OR2Y1: variants seen among roughly 807,000 people sequenced by gnomAD.
OR2Y1 encodes the protein olfactory receptor family 2 subfamily Y member 1.
For synonymous variants in OR2Y1, 163 were observed against 154.2 expected (o/e 1.06, Z -0.42); for missense variants, 412 against 388.4 (o/e 1.06, Z -0.51).
At position 180,739,734 on chromosome 5, in the gene OR2Y1, A is replaced by G. The variant is rs754933607; in HGVS notation, c.325T>C (p.Ser109Pro). ...ACCACCAGGAGCACACACTCTGTGGAGCCCAGGGCTAGGTAGATGAAGAGC... is the reference window on the plus strand; with the variant it reads ...ACCACCAGGAGCACACACTCTGTGGGGCCCAGGGCTAGGTAGATGAAGAGC... ...AQLFIYLALGSTECVLLVVMA... is the reference protein window; with the variant it reads ...AQLFIYLALGPTECVLLVVMA... The change falls in exon 1 of 1, where the codon TCC (serine) becomes CCC (proline). Residue 109 changes from serine to proline, a missense_variant. By Grantham distance (74) the Ser-to-Pro change is moderately conservative (BLOSUM62 -1). Coordinates refer to ENST00000307832, the MANE Select transcript of OR2Y1 (RefSeq NM_001001657.1). 1 of 1,614,214 alleles carries G rather than the reference A, an allele frequency of 6.2e-7. No individual in the cohort carries two copies. The highest frequency in any genetic ancestry group is 8.5e-7 in the Non-Finnish European group (1 of 1,180,034).
rs1241645003 is a variant in OR2Y1 at position 180,739,625 on chromosome 5, G to A, written c.434C>T (p.Ala145Val). 1 of 1,614,276 alleles carries A rather than the reference G, an allele frequency of 6.2e-7. No individual in the cohort carries two copies. Among genetic ancestry groups the A allele is most frequent in the Middle Eastern group, 1.6e-4 (1 of 6,062 alleles). The change falls in exon 1 of 1, where the codon GCT becomes GTT. Residue 145 changes from alanine (A) to valine (V), a missense_variant. Coordinates refer to ENST00000307832, the MANE Select transcript of OR2Y1 (RefSeq NM_001001657.1). ...GAAACCCGCACCCCAGGAGGCGATA[G>A]CCAGGGTCTGGCAGAGATGGGGGTG... ...IMHPHLCQTL[A>V]IASWGAGFVN... is the part of the protein sequence containing the mutation.
At position 180,739,831 on chromosome 5, in the gene OR2Y1, G is replaced by C. The variant is rs933174092; in HGVS notation, c.228C>G (p.Ser76Arg). ...GGTTGATCAGGAGCTGGGGCACGGT[G>C]CTGGTGGTGAAGCAGAGGTCCAGGA... ...LSLLDLCFTT[S>R]TVPQLLINLC... The change falls in exon 1 of 1, where the codon AGC (serine) becomes AGG (arginine). Residue 76 changes from serine to arginine, a missense_variant. By Grantham distance (110) the Ser-to-Arg change is moderately radical. Coordinates refer to ENST00000307832, the MANE Select transcript of OR2Y1 (RefSeq NM_001001657.1). The C allele has an allele frequency of 1.2e-6, 2 of 1,614,248 alleles. No homozygotes were observed. Among genetic ancestry groups the C allele is most frequent in the Non-Finnish European group, 8.5e-7 (1 of 1,180,034 alleles).
chr5:180,739,478 G>C lies in OR2Y1; in HGVS notation c.581C>G (p.Thr194Arg). 1 of 1,614,232 alleles carries C rather than the reference G, an allele frequency of 6.2e-7. No individual in the cohort carries two copies. The highest frequency in any genetic ancestry group is 8.5e-7 in the Non-Finnish European group (1 of 1,180,032). ...LKLACADTEG[T>R]EAKMFVARVI... ...TCGGGCCACAAACATCTTGGCCTCT[G>C]TTCCTTCTGTGTCCGCACAAGCCAA... The change falls in exon 1 of 1, where the codon ACA (threonine) becomes AGA (arginine). Residue 194 changes from threonine to arginine, a missense_variant. By Grantham distance (71) the Thr-to-Arg change is moderately conservative. Transcript: ENST00000307832.
At position 180,739,774 on chromosome 5, in the gene OR2Y1, T is replaced by G; in HGVS notation, c.285A>C (p.Gly95=). 3 of 1,614,164 alleles carry G rather than the reference T, an allele frequency of 1.9e-6. No individual in the cohort carries two copies. The highest frequency in any genetic ancestry group is 2.5e-6 in the Non-Finnish European group (3 of 1,180,032). The change falls in exon 1 of 1, where the codon GGA becomes GGC. Residue 95 remains glycine, a synonymous_variant. Coordinates refer to ENST00000307832, the MANE Select transcript of OR2Y1 (RefSeq NM_001001657.1). Reference sequence around the variant, plus strand: ...AGATGAAGAGCTGAGCCACACACCCTCCACGGGTGATGGTGCGGTCCACCC... The same window carrying G: ...AGATGAAGAGCTGAGCCACACACCCGCCACGGGTGATGGTGCGGTCCACCC... ...LCGVDRTITR[G]GCVAQLFIYL... is the part of the protein sequence containing the mutation.
chr5:180,739,518 G>A lies in OR2Y1; in HGVS notation c.541C>T (p.Pro181Ser). ...HRLNHFFCEMPVFLKLACADT... is the reference protein window; with the variant it reads ...HRLNHFFCEMSVFLKLACADT... ...GCACAAGCCAACTTCAGAAATACAGGCATCTCACAGAAGAAGTGATTCAGT... is the reference window on the plus strand; with the variant it reads ...GCACAAGCCAACTTCAGAAATACAGACATCTCACAGAAGAAGTGATTCAGT... Residue 181 changes from proline (P) to serine (S), a missense_variant, in exon 1 of 1, where the codon CCT (proline) becomes TCT (serine). Pro to Ser is a moderately conservative substitution (Grantham distance 74). Coordinates refer to ENST00000307832, the MANE Select transcript of OR2Y1 (RefSeq NM_001001657.1). The A allele has an allele frequency of 6.2e-7, 1 of 1,614,238 alleles. No homozygotes were observed. The highest frequency in any genetic ancestry group is 8.5e-7 in the Non-Finnish European group (1 of 1,180,036).
Position 180,739,789 on chromosome 5 carries a change from G to A in OR2Y1, c.270C>T (p.Arg90=), listed in dbSNP as rs1561791019. ...QLLINLCGVD[R]TITRGGCVAQ... is the part of the protein sequence containing the mutation. ...CCACACACCCTCCACGGGTGATGGT[G>A]CGGTCCACCCCGCAAAGGTTGATCA... Residue 90 remains arginine, a synonymous_variant, in exon 1 of 1, where the codon CGC becomes CGT. Transcript: ENST00000307832. 3 of 1,614,226 alleles carry A rather than the reference G, an allele frequency of 1.9e-6. No individual in the cohort carries two copies. The highest frequency in any genetic ancestry group is 1.1e-5 in the South Asian group (1 of 91,078).
Position 180,739,644 on chromosome 5 carries a change from G to A in OR2Y1, c.415C>T (p.His139Tyr), listed in dbSNP as rs900366856. Residue 139 changes from histidine to tyrosine, a missense_variant, in exon 1 of 1, where the codon CAT (histidine) becomes TAT (tyrosine). His to Tyr is a moderately conservative substitution (Grantham distance 83, BLOSUM62 2). Coordinates refer to ENST00000307832, the MANE Select transcript of OR2Y1 (RefSeq NM_001001657.1). ...PLHYMAIMHP[H>Y]LCQTLAIASW... ...GCGATAGCCAGGGTCTGGCAGAGAT[G>A]GGGGTGCATGATGGCCATGTAGTGG... is the stretch of plus-strand genomic sequence containing the variant. 6.2e-7 allele frequency: 1 copy of A among 1,614,250 alleles called. No homozygotes were observed. Among genetic ancestry groups the A allele is most frequent in the Non-Finnish European group, 8.5e-7 (1 of 1,180,042 alleles).
Position 180,739,751 on chromosome 5 carries a change from A to T in OR2Y1, c.308T>A (p.Ile103Asn), listed in dbSNP as rs1294132575. ...CTCTGTGGAGCCCAGGGCTAGGTAG[A>T]TGAAGAGCTGAGCCACACACCCTCC... Reference protein sequence around the residue: ...TRGGCVAQLFIYLALGSTECV... With the variant: ...TRGGCVAQLFNYLALGSTECV... Residue 103 changes from isoleucine (I) to asparagine (N), a missense_variant, in exon 1 of 1, where the codon ATC becomes AAC. Transcript: ENST00000307832. 1 of 1,614,096 alleles carries T rather than the reference A, an allele frequency of 6.2e-7. No individual in the cohort carries two copies. Among genetic ancestry groups the T allele is most frequent in the East Asian group, 2.2e-5 (1 of 44,896 alleles).
Position 180,739,246 on chromosome 5 carries a change from T to A in OR2Y1, c.813A>T (p.Lys271Asn). 1 of 1,614,108 alleles carries A rather than the reference T, an allele frequency of 6.2e-7. No homozygotes were observed. The highest frequency in any genetic ancestry group is 8.5e-7 in the Non-Finnish European group (1 of 1,180,008). ...TTATAGTATAAAAAAGGGCAACAAATTTTCCCTCACGCTCAGAATAATTGT... is the reference window on the plus strand; with the variant it reads ...TTATAGTATAAAAAAGGGCAACAAAATTTCCCTCACGCTCAGAATAATTGT... ...SIHNYSEREGKFVALFYTIIT... is the reference protein window; with the variant it reads ...SIHNYSEREGNFVALFYTIIT... The change falls in exon 1 of 1, where the codon AAA (lysine) becomes AAT (asparagine). Residue 271 changes from lysine (K) to asparagine (N), a missense_variant. By Grantham distance (94) the Lys-to-Asn change is moderately conservative (BLOSUM62 0). Transcript: ENST00000307832.
In OR2Y1 at chr5:180,739,761, G is replaced by A. The variant is rs777536452; in HGVS notation, c.298C>T (p.Gln100Ter). The A allele has an allele frequency of 3.7e-6, 6 of 1,614,218 alleles. 1 individual carries two copies. In the Admixed American group the frequency reaches 8.3e-5, roughly 22 times the overall value. Reference protein sequence around the residue: ...RTITRGGCVAQLFIYLALGST... With the variant: ...RTITRGGCVA ...CCCAGGGCTAGGTAGATGAAGAGCT[G>A]AGCCACACACCCTCCACGGGTGATG... Residue 100 changes from glutamine to a stop codon, truncating the protein, a stop_gained, in exon 1 of 1, where the codon CAG becomes TAG. Coordinates refer to ENST00000307832, the MANE Select transcript of OR2Y1 (RefSeq NM_001001657.1). LOFTEE classifies it low-confidence loss of function (END_TRUNC).
chr5:180,739,181 T>C lies in OR2Y1; in HGVS notation c.878A>G (p.Asn293Ser), dbSNP rs1325105735. 1.2e-6 allele frequency: 2 copies of C among 1,614,018 alleles called. No homozygotes were observed. The highest frequency in any genetic ancestry group is 1.7e-6 in the Non-Finnish European group (2 of 1,179,974). The change falls in exon 1 of 1, where the codon AAC becomes AGC. Residue 293 changes from asparagine (N) to serine (S), a missense_variant. Physicochemically the swap from Asn to Ser is conservative, Grantham distance 46. Transcript: ENST00000307832. Reference protein sequence around the residue: ...ILNPLIYTLRNKDVKGALWKV... With the variant: ...ILNPLIYTLRSKDVKGALWKV... ...CCACAGAGCCCCCTTCACGTCCTTG[T>C]TTCTTAGTGTATAAATGAGAGGATT...
Position 180,739,981 on chromosome 5 carries a change from G to T in OR2Y1, c.78C>A (p.Ile26=), listed in dbSNP as rs760476327. Residue 26 remains isoleucine, a synonymous_variant, in exon 1 of 1, where the codon ATC becomes ATA. Transcript: ENST00000307832. ...GFSDWPQLEP[I]LFVFIFIFYS... is the part of the protein sequence containing the mutation. ...AGAAAATAAAAATAAAGACAAACAGGATGGGCTCCAGTTGCGGCCAATCTG... is the reference window on the plus strand; with the variant it reads ...AGAAAATAAAAATAAAGACAAACAGTATGGGCTCCAGTTGCGGCCAATCTG... 2 of 1,613,954 alleles carry T rather than the reference G, an allele frequency of 1.2e-6. No individual in the cohort carries two copies. The highest frequency in any genetic ancestry group is 1.3e-5 in the African/African-American group (1 of 75,042).
rs572956979 is a variant in OR2Y1, at chr5:180,739,541, A to G, written c.518T>C (p.Leu173Pro). The G allele has an allele frequency of 3.1e-6, 5 of 1,614,276 alleles. No individual in the cohort carries two copies. In the African/African-American group the frequency reaches 4.0e-5, roughly 13 times the overall value. Residue 173 changes from leucine to proline, a missense_variant, in exon 1 of 1, where the codon CTG (leucine) becomes CCG (proline). By Grantham distance (98) the Leu-to-Pro change is moderately conservative. Coordinates refer to ENST00000307832, the MANE Select transcript of OR2Y1 (RefSeq NM_001001657.1). ...AGGCATCTCACAGAAGAAGTGATTCAGTCGATGGCCACAGAGAGGCATGGC... is the reference window on the plus strand; with the variant it reads ...AGGCATCTCACAGAAGAAGTGATTCGGTCGATGGCCACAGAGAGGCATGGC... ...AMAMPLCGHRLNHFFCEMPVF... is the reference protein window; with the variant it reads ...AMAMPLCGHRPNHFFCEMPVF...
chr5:180,739,821 G>C lies in OR2Y1; in HGVS notation c.238C>G (p.Gln80Glu). 1 of 1,614,248 alleles carries C rather than the reference G, an allele frequency of 6.2e-7. No individual in the cohort carries two copies. The highest frequency in any genetic ancestry group is 8.5e-7 in the Non-Finnish European group (1 of 1,180,046). The change falls in exon 1 of 1, where the codon CAG (glutamine) becomes GAG (glutamate). Residue 80 changes from glutamine to glutamate, a missense_variant. Coordinates refer to ENST00000307832, the MANE Select transcript of OR2Y1 (RefSeq NM_001001657.1). ...DLCFTTSTVP[Q>E]LLINLCGVDR... Reference sequence around the variant, plus strand: ...ACCCCGCAAAGGTTGATCAGGAGCTGGGGCACGGTGCTGGTGGTGAAGCAG... The same window carrying C: ...ACCCCGCAAAGGTTGATCAGGAGCTCGGGCACGGTGCTGGTGGTGAAGCAG...
rs760476327 is a variant in OR2Y1 at position 180,739,981 on chromosome 5, G to A, written c.78C>T (p.Ile26=). The A allele has an allele frequency of 1.9e-5, 31 of 1,613,836 alleles. No individual in the cohort carries two copies. The South Asian group carries it at 3.2e-4, about 17-fold the overall frequency. Residue 26 remains isoleucine (I), a synonymous_variant, in exon 1 of 1, where the codon ATC becomes ATT. Coordinates refer to ENST00000307832, the MANE Select transcript of OR2Y1 (RefSeq NM_001001657.1). ...AGAAAATAAAAATAAAGACAAACAG[G>A]ATGGGCTCCAGTTGCGGCCAATCTG... is the stretch of plus-strand genomic sequence containing the variant. ...GFSDWPQLEP[I]LFVFIFIFYS... is the part of the protein sequence containing the mutation.
In OR2Y1 at chr5:180,739,573, G is replaced by A. The variant is rs150471203; in HGVS notation, c.486C>T (p.Leu162=). 62 of 1,614,236 alleles carry A rather than the reference G, an allele frequency of 3.8e-5. 1 individual carries two copies. In the Middle Eastern group the frequency reaches 6.6e-4, roughly 17 times the overall value. ...GGCCACAGAGAGGCATGGCCATTGC[G>A]AGACCTGTCTGGATCAGAGAGTTCA... The part of the protein sequence containing the change: ...GFVNSLIQTG[L]AMAMPLCGHR... Residue 162 remains leucine (L), a synonymous_variant, in exon 1 of 1, where the codon CTC becomes CTT. Transcript: ENST00000307832.
rs1396575718 is a variant in OR2Y1, at chr5:180,739,933, G to A, written c.126C>T (p.Asn42=). ...GCCAGGAGAGAGCGATGATGATGGTGTTGCCAAAGAGAGTTAGGGAGTAGA... is the reference window on the plus strand; with the variant it reads ...GCCAGGAGAGAGCGATGATGATGGTATTGCCAAAGAGAGTTAGGGAGTAGA... ...FIFYSLTLFG[N]TIIIALSWLD... is the part of the protein sequence containing the mutation. The change falls in exon 1 of 1, where the codon AAC becomes AAT. Residue 42 remains asparagine (N), a synonymous_variant. Transcript: ENST00000307832. 4 of 1,614,200 alleles carry A rather than the reference G, an allele frequency of 2.5e-6. No individual in the cohort carries two copies. The South Asian group carries it at 3.3e-5, about 13-fold the overall frequency.
rs1426046705 is a variant in OR2Y1, at chr5:180,739,911, A to G, written c.148T>C (p.Trp50Arg). The G allele has an allele frequency of 5.0e-6, 8 of 1,614,134 alleles. No homozygotes were observed. The highest frequency in any genetic ancestry group is 1.3e-5 in the African/African-American group (1 of 74,940). Reference sequence around the variant, plus strand: ...GGTGTGTGCAGCCGAAGGTCTAGCCAGGAGAGAGCGATGATGATGGTGTTG... The same window carrying G: ...GGTGTGTGCAGCCGAAGGTCTAGCCGGGAGAGAGCGATGATGATGGTGTTG... ...FGNTIIIALS[W>R]LDLRLHTPMY... Residue 50 changes from tryptophan (W) to arginine (R), a missense_variant, in exon 1 of 1, where the codon TGG (tryptophan) becomes CGG (arginine). Physicochemically the swap from Trp to Arg is moderately radical, Grantham distance 101. Transcript: ENST00000307832.
In OR2Y1 at chr5:180,739,716, G is replaced by A; in HGVS notation, c.343C>T (p.Leu115=). The A allele has an allele frequency of 6.2e-7, 1 of 1,614,242 alleles. No individual in the cohort carries two copies. The highest frequency in any genetic ancestry group is 8.5e-7 in the Non-Finnish European group (1 of 1,180,040). ...LALGSTECVL[L]VVMAFDRYAA... is the part of the protein sequence containing the mutation. ...TAGCGGTCAAAGGCCATCACCACCA[G>A]GAGCACACACTCTGTGGAGCCCAGG... is the stretch of plus-strand genomic sequence containing the variant. The change falls in exon 1 of 1, where the codon CTG becomes TTG. Residue 115 remains leucine (L), a synonymous_variant. Transcript: ENST00000307832.
Sources: allele counts gnomAD v4.1 joint callset, GRCh38; gene constraint gnomAD v4.1.1; transcripts MANE v1.5; gene names NCBI Gene and HGNC (gene_info 2026-07-23, HGNC 2026-07-21).